Variants in NKAIN2 observed in about 807,000 individuals in gnomAD.
NKAIN2 encodes sodium/potassium transporting ATPase interacting 2.
A neutral mutation model predicts 32.6 loss-of-function variants in NKAIN2; 14 were observed. The observed-to-expected ratio is 0.43, with a 90% CI of 0.28 to 0.67. The LOEUF is 0.67. Ranked by LOEUF, NKAIN2 falls within the 30% of genes least tolerant of loss-of-function variation. NKAIN2 has a pLI of 0.17. For synonymous variants in NKAIN2, 80 were observed against 87.2 expected (o/e 0.92, Z 0.46); for missense variants, 198 against 258.3 (o/e 0.77, Z 1.60).
In NKAIN2 at chr6:123,820,380, T is replaced by A. The variant is rs182350925; in HGVS notation, c.54+16126T>A. Among the ~76,000 whole-genome samples the A allele has an allele frequency of 8.5e-5, 13 of 152,350 alleles. No individual in the cohort carries two copies. In the East Asian group the frequency reaches 2.5e-3, roughly 29 times the overall value. On this transcript the variant is annotated intron_variant, in intron 1 of 6. Transcript: ENST00000368417. ...AAGAAAATAAATTATTTCTTTATGA[T>A]GAAATTAAAAGGACAGAAGATAACT...
chr6:124,463,158 G>T (rs550745804), intron 3 of NKAIN2, among the ~76,000 whole-genome samples: 1 of 152,174 alleles, frequency 6.6e-6, no homozygotes, highest in South Asian at 2.1e-4. Flanking sequence ...AACTAAGTGT[G>T]TGTGTGTATG....
chr6:124,580,643 G>A (rs184523850), intron 3 of NKAIN2, among the ~76,000 whole-genome samples: 10 of 152,276 alleles, frequency 6.6e-5, no homozygotes, highest in East Asian at 3.9e-4. Context: ...AATGGCAGGA[G>A]TAAGTCCTTA....
At chr6:124,125,938 A>G (rs546642711) in intron 1 of NKAIN2, among the ~76,000 whole-genome samples, 29 of 152,140 alleles carry the variant, frequency 1.9e-4, no homozygotes, top group Admixed American at 1.8e-3. Context: ...ACTCCCCTAG[A>G]GTTCTTGAAG....
intron 1 of NKAIN2, among the ~76,000 whole-genome samples, chr6:123,965,178 C>A (rs915283276): frequency 1.3e-5 from 2 of 152,192 alleles, no homozygotes; most frequent in Non-Finnish European, 1.5e-5. Context: ...CCATGCCCAT[C>A]CTTGTTAGCT....
chr6:124,167,108 C>G (rs1310843984), intron 1 of NKAIN2, among the ~76,000 whole-genome samples: 1 of 142,604 alleles, frequency 7.0e-6, no homozygotes, highest in Non-Finnish European at 1.5e-5. Context: ...TTACCTTGGG[C>G]AGTATGGCCA....
At position 124,474,328 on chromosome 6, in the gene NKAIN2, A is replaced by T. The variant is rs146456097; in HGVS notation, c.273+118981A>T. On this transcript the variant is annotated intron_variant, in intron 3 of 6. Coordinates refer to ENST00000368417, the MANE Select transcript of NKAIN2 (RefSeq NM_001040214.3). The stretch of plus-strand genomic sequence containing the variant: ...GGAAAGATGTAAGAAATTGGTCAAA[A>T]TCAGCACAGATCATGTTAAAACAAA... 4.3e-3 allele frequency among the ~76,000 whole-genome samples: 662 copies of T among 152,228 alleles called. 10 individuals are homozygous for T. The highest frequency in any genetic ancestry group is 0.015 in the African/African-American group (637 of 41,562).
intron 3 of NKAIN2, among the ~76,000 whole-genome samples, chr6:124,476,061 AGAGAGTGTGTGT>A (rs1352706143): frequency 3.4e-4 from 29 of 85,704 alleles, no homozygotes; most frequent in African/African-American, 1.5e-3. Context: ...AGAGAGAGAG[AGAGAGTGTGTGT>A]GTGTGTGTGT....
chr6:124,260,326 A>T (rs930559898), intron 1 of NKAIN2, among the ~76,000 whole-genome samples: 3 of 152,056 alleles, frequency 2.0e-5, no homozygotes, highest in African/African-American at 7.2e-5. Context: ...AGGGTGTTAA[A>T]TGCAAACGAG....
intron 1 of NKAIN2, among the ~76,000 whole-genome samples, chr6:123,806,488 T>C (rs933240696): frequency 6.6e-6 from 1 of 152,118 alleles, no homozygotes; most frequent in Admixed American, 6.5e-5. Flanking sequence ...TATTTGATTT[T>C]AAATAAAATA....
intron 3 of NKAIN2, among the ~76,000 whole-genome samples, chr6:124,410,443 G>C (rs1265057322): frequency 6.6e-6 from 1 of 152,052 alleles, no homozygotes; most frequent in Non-Finnish European, 1.5e-5. Context: ...CCTTCATTTC[G>C]TTATGTACCC....
intron 1 of NKAIN2, among the ~76,000 whole-genome samples, chr6:124,241,221 C>T (rs965218187): frequency 2.0e-4 from 31 of 152,172 alleles, no homozygotes; most frequent in African/African-American, 7.2e-4. Flanking sequence ...AACTATAAAC[C>T]ACTGCTCAAG....
In NKAIN2 at chr6:123,895,426, T is replaced by C. The variant is rs567411993; in HGVS notation, c.54+91172T>C. On this transcript the variant is annotated intron_variant, in intron 1 of 6. Coordinates refer to ENST00000368417, the MANE Select transcript of NKAIN2 (RefSeq NM_001040214.3). ...GGTTACTACTGACTGGCATAGTTTCTTGTTTTTTCCCTTGATATATTTTGA... is the reference window on the plus strand; with the variant it reads ...GGTTACTACTGACTGGCATAGTTTCCTGTTTTTTCCCTTGATATATTTTGA... 4.6e-5 allele frequency among the ~76,000 whole-genome samples: 7 copies of C among 152,348 alleles called. No homozygotes were observed. The East Asian group carries it at 7.7e-4, about 17-fold the overall frequency.
chr6:124,805,719 G>C (rs562899604), intron 5 of NKAIN2, among the ~76,000 whole-genome samples: 2 of 152,112 alleles, frequency 1.3e-5, no homozygotes, highest in Non-Finnish European at 1.5e-5. Context: ...CAAACCAAAG[G>C]CAAAGAAGTT....
At chr6:123,939,800 C>T (rs1776732064) in intron 1 of NKAIN2, among the ~76,000 whole-genome samples, 1 of 151,900 alleles carries the variant, frequency 6.6e-6, no homozygotes. Flanking sequence ...TTCTTCCAGC[C>T]ACACTTTTTT....
At chr6:123,848,647 G>A (rs939424510) in intron 1 of NKAIN2, among the ~76,000 whole-genome samples, 1 of 152,068 alleles carries the variant, frequency 6.6e-6, no homozygotes, top group Non-Finnish European at 1.5e-5. Flanking sequence ...CCAGACTTAG[G>A]CAGTTCATTA....
At chr6:124,469,756 A>C (rs539847281) in intron 3 of NKAIN2, among the ~76,000 whole-genome samples, 10 of 152,320 alleles carry the variant, frequency 6.6e-5, no homozygotes, top group African/African-American at 2.4e-4. Context: ...AAAATCCCAG[A>C]GATCCACAAT....
chr6:124,099,230 A>C (rs1031041475), intron 1 of NKAIN2, among the ~76,000 whole-genome samples: 6 of 152,214 alleles, frequency 3.9e-5, no homozygotes, highest in African/African-American at 1.4e-4. Context: ...TGCCCTTTAG[A>C]GATGTTATCC....
intron 3 of NKAIN2, among the ~76,000 whole-genome samples, chr6:124,631,704 A>AT (rs1312680843): frequency 6.6e-6 from 1 of 152,140 alleles, no homozygotes; most frequent in Non-Finnish European, 1.5e-5. Context: ...GGAGTTAACT[A>AT]TAAAGGAGTC....
At chr6:124,719,348 G>A (rs909164502) in intron 4 of NKAIN2, among the ~76,000 whole-genome samples, 1 of 151,892 alleles carries the variant, frequency 6.6e-6, no homozygotes, top group African/African-American at 2.4e-5. Flanking sequence ...GTCCCTAGAG[G>A]GGGCAAATGT....
Sources: allele counts gnomAD v4.1 joint callset (sites outside exome capture counted in the v4.1 genomes callset), GRCh38; gene constraint gnomAD v4.1.1; transcripts MANE v1.5; gene names NCBI Gene and HGNC (gene_info 2026-07-23, HGNC 2026-07-21).